Variants in CSMD1 observed in about 807,000 individuals in gnomAD.
The protein encoded by CSMD1 is CUB and Sushi multiple domains 1, also known as CUB and sushi domain-containing protein 1.
In CSMD1, 213 loss-of-function variants were observed where a neutral mutation model predicts 417.5. The ratio of observed to expected loss-of-function variants is 0.51; its 90% CI spans 0.46 to 0.57. The LOEUF (loss-of-function observed/expected upper bound fraction) is 0.57. Among genes scored for constraint, CSMD1 ranks in the 20% least tolerant of loss-of-function variants. CSMD1 has a pLI of 0.00. For synonymous variants in CSMD1, 2,862 were observed against 1,736.8 expected (o/e 1.65, Z -16.11); for missense variants, 6,923 against 4,529.7 (o/e 1.53, Z -15.17).
chr8:3,477,403 G>T (rs77031017), intron 11 of CSMD1, among the ~76,000 whole-genome samples: 3,834 of 152,280 alleles, frequency 0.025, 238 homozygotes, highest in East Asian at 0.18. Context: ...GGCATAAATT[G>T]TTCAGAATGT....
intron 5 of CSMD1, among the ~76,000 whole-genome samples, chr8:3,912,914 G>C (rs1258061915): frequency 6.6e-6 from 1 of 152,198 alleles, no homozygotes; most frequent in Admixed American, 6.5e-5. Context: ...AGCAGCTATG[G>C]TGGTCATTCA....
chr8:4,075,520 A>G (rs1479908308), intron 3 of CSMD1, among the ~76,000 whole-genome samples: 2 of 152,222 alleles, frequency 1.3e-5, no homozygotes, highest in African/African-American at 2.4e-5. Flanking sequence ...ATTGATAACT[A>G]AAAATGTCAG....
chr8:4,627,995 T>TAA (rs34957840), intron 2 of CSMD1, among the ~76,000 whole-genome samples: 31 of 150,630 alleles, frequency 2.1e-4, no homozygotes, highest in Admixed American at 1.5e-3. Flanking sequence ...CTGTGACAAT[T>TAA]AAAAAAAAAT....
chr8:4,719,246 T>A (rs548748515), intron 1 of CSMD1, among the ~76,000 whole-genome samples: 1 of 152,202 alleles, frequency 6.6e-6, no homozygotes, highest in Non-Finnish European at 1.5e-5. Context: ...AGATTTTGCA[T>A]TTTGTGCAAG....
chr8:4,822,704 C>G (rs1242895381), intron 1 of CSMD1, among the ~76,000 whole-genome samples: 11 of 152,048 alleles, frequency 7.2e-5, no homozygotes, highest in Non-Finnish European at 1.0e-4. Flanking sequence ...AATGTTGTCT[C>G]TCCTATATGT....
intron 26 of CSMD1, among the ~76,000 whole-genome samples, chr8:3,263,244 G>C (rs1257655864): frequency 1.3e-5 from 2 of 152,170 alleles, no homozygotes. Context: ...GATTACAGGT[G>C]TGTGCCACCA....
chr8:4,917,169 G>A lies in CSMD1; in HGVS notation c.85+77163C>T, dbSNP rs188039988. On this transcript the variant is annotated intron_variant, in intron 1 of 69. Transcript: ENST00000635120. ...GGCATGTCCTACTTGGCTGGAGCAG[G>A]AGGAAGACAGAGAGAAGTGGGAGGT... 4.6e-5 allele frequency among the ~76,000 whole-genome samples: 7 copies of A among 152,342 alleles called. No individual in the cohort carries two copies. The South Asian group carries it at 1.4e-3, about 32-fold the overall frequency.
chr8:4,299,361 G>A (rs6996305), intron 3 of CSMD1, among the ~76,000 whole-genome samples: 11 of 152,032 alleles, frequency 7.2e-5, no homozygotes, highest in Non-Finnish European at 1.5e-4. Context: ...TTGACATATT[G>A]TAAGTGTCTG....
intron 16 of CSMD1, among the ~76,000 whole-genome samples, chr8:3,399,164 G>A (rs181977690): frequency 6.1e-4 from 93 of 152,254 alleles, no homozygotes; most frequent in African/African-American, 2.2e-3. Flanking sequence ...GGTCCTCCAG[G>A]ACTGGCAGTT....
intron 2 of CSMD1, among the ~76,000 whole-genome samples, chr8:4,480,591 T>G (rs1326554018): frequency 2.0e-5 from 3 of 152,212 alleles, no homozygotes; most frequent in Non-Finnish European, 4.4e-5. Context: ...TAGCTTCACC[T>G]TACAAAACCA....
intron 1 of CSMD1, among the ~76,000 whole-genome samples, chr8:4,833,086 G>A (rs924766299): frequency 6.6e-6 from 1 of 152,116 alleles, no homozygotes; most frequent in Non-Finnish European, 1.5e-5. Context: ...TTCTAACTTG[G>A]ATTTAAATCT....
chr8:3,240,735 T>A (rs1472174415), intron 26 of CSMD1, among the ~76,000 whole-genome samples: 1 of 151,622 alleles, frequency 6.6e-6, no homozygotes, highest in Non-Finnish European at 1.5e-5. Context: ...TGGAGGGAGG[T>A]ATCGAGGTTA....
chr8:3,926,105 ACACACACAC>A (rs1563218334), intron 5 of CSMD1, among the ~76,000 whole-genome samples: 8 of 64,382 alleles, frequency 1.2e-4, no homozygotes, highest in African/African-American at 2.6e-4. Flanking sequence ...ACACACACAC[ACACACACAC>A]ACACACACAC....
chr8:3,949,822 C>T, intron 5 of CSMD1: 2 of 439,052 alleles, frequency 4.6e-6, no homozygotes, highest in Non-Finnish European at 9.1e-6. Context: ...CAATGACCTG[C>T]TTCCATCTTT....
At chr8:3,308,271 G>A in intron 24 of CSMD1, 41 bp downstream of exon 24, 18 of 1,515,454 alleles carry the variant, frequency 1.2e-5, no homozygotes, top group Non-Finnish European at 1.6e-5. Context: ...GCACCCTAAG[G>A]CCTGGCTTTT....
chr8:3,083,380 C>T (rs748501062), intron 49 of CSMD1, among the ~76,000 whole-genome samples: 9 of 151,404 alleles, frequency 5.9e-5, no homozygotes, highest in Non-Finnish European at 1.0e-4. Context: ...AGCAACACAT[C>T]GTTGATAATC....
intron 17 of CSMD1, among the ~76,000 whole-genome samples, chr8:3,390,439 C>G (rs1811282789): frequency 6.7e-6 from 1 of 149,570 alleles, no homozygotes; most frequent in Non-Finnish European, 1.5e-5. Flanking sequence ...TAAACTAAGA[C>G]CAGTCTGTGG....
chr8:3,309,261 C>G (rs1031970164), intron 23 of CSMD1, among the ~76,000 whole-genome samples: 2 of 152,092 alleles, frequency 1.3e-5, no homozygotes, highest in Non-Finnish European at 2.9e-5. Flanking sequence ...AGCCCATTGT[C>G]AAGACCCGCC....
intron 2 of CSMD1, among the ~76,000 whole-genome samples, chr8:4,474,285 G>C (rs1476604103): frequency 6.6e-6 from 1 of 152,062 alleles, no homozygotes; most frequent in South Asian, 2.1e-4. Flanking sequence ...AGTTCAGCAA[G>C]GTGACAGATT....
Sources: allele counts gnomAD v4.1 joint callset (sites outside exome capture counted in the v4.1 genomes callset), GRCh38; gene constraint gnomAD v4.1.1; transcripts MANE v1.5; gene names NCBI Gene and HGNC (gene_info 2026-07-23, HGNC 2026-07-21).